The following DAGLB variants were observed in gnomAD, a reference collection of about 807,000 sequenced individuals.
The protein encoded by DAGLB is diacylglycerol lipase beta, also known as diacylglycerol lipase-beta.
A neutral mutation model predicts 72.1 loss-of-function variants in DAGLB; 66 were observed. The observed-to-expected ratio is 0.92, with a 90% CI of 0.75 to 1.12. DAGLB has a LOEUF of 1.12. DAGLB is among the 50% of genes most tolerant of loss of function. The pLI is 0.00. For synonymous variants in DAGLB, 414 were observed against 359.5 expected, an observed-to-expected ratio of 1.15 and a Z score of -1.71; for missense variants, 1,065 against 884.9, an observed-to-expected ratio of 1.20 and a Z score of -2.58.
chr7:6,415,164 T>TA (rs375211033), intron 11 of DAGLB, among the ~76,000 whole-genome samples: 5,699 of 139,790 alleles, frequency 0.041, 135 homozygotes, highest in Middle Eastern at 0.065. Flanking sequence ...CTGTGTCAAT[T>TA]AAAAAAAAAA....
intron 6 of DAGLB, among the ~76,000 whole-genome samples, chr7:6,427,417 G>A (rs1228946322): frequency 6.6e-6 from 1 of 152,034 alleles, no homozygotes; most frequent in Non-Finnish European, 1.5e-5. Flanking sequence ...AGGCTGAGGC[G>A]GGAGGATCGC....
rs764561057 is a variant in DAGLB, at chr7:6,421,969, G to C, written c.1141-165C>G. On this transcript the variant is annotated intron_variant, in intron 8 of 14. Transcript: ENST00000297056. ...CCTAAACTAAAGAGGGAAACCCAGC[G>C]GTGGCTCCTGAGGGCCCTGATGGCA... The C allele has an allele frequency of 3.3e-5, 26 of 790,336 alleles. 1 individual carries two copies. The South Asian group carries it at 3.8e-4, about 11-fold the overall frequency. 49.0% of individuals were successfully genotyped at this position (790,336 alleles called of 1,614,324 possible).
At position 6,418,944 on chromosome 7, in the gene DAGLB, G is replaced by A. The variant is rs184546896; in HGVS notation, c.1219-2023C>T. Reference sequence around the variant, plus strand: ...CTCCCAAAGTGCTGGGATTACAGGCGTGAGCCACCGCACCTGGCTGCAACT... The same window carrying A: ...CTCCCAAAGTGCTGGGATTACAGGCATGAGCCACCGCACCTGGCTGCAACT... On this transcript the variant is annotated intron_variant, in intron 9 of 14. Coordinates refer to ENST00000297056, the MANE Select transcript of DAGLB (RefSeq NM_139179.4). Among the ~76,000 whole-genome samples, 306 of 152,180 alleles carry A rather than the reference G, an allele frequency of 2.0e-3. 2 individuals are homozygous for A. Among genetic ancestry groups the A allele is most frequent in the African/African-American group, 7.1e-3 (293 of 41,522 alleles).
rs1176398313 is a variant in DAGLB, at chr7:6,430,487, C to T, written c.922G>A (p.Gly308Ser). 1.3e-6 allele frequency: 2 copies of T among 1,560,798 alleles called. No homozygotes were observed. The highest frequency in any genetic ancestry group is 2.7e-5 in the African/African-American group (2 of 73,678). Residue 308 changes from glycine to serine, a missense_variant, in exon 6 of 15, where the codon GGT becomes AGT. Transcript: ENST00000297056. ...NPLTGLCRIG[G>S]DCCRSRTTDY... Reference sequence around the variant, plus strand: ...CAGACTGTGCCAACCCACCAGTCACCACCAATCCTGCACAGCCCCGTGAGG... The same window carrying T: ...CAGACTGTGCCAACCCACCAGTCACTACCAATCCTGCACAGCCCCGTGAGG...
chr7:6,440,185 G>T (rs1169045964), intron 2 of DAGLB, among the ~76,000 whole-genome samples: 1 of 151,420 alleles, frequency 6.6e-6, no homozygotes, highest in Non-Finnish European at 1.5e-5. Flanking sequence ...TGGAGTTCAA[G>T]ACCAGCCTGA....
intron 2 of DAGLB, among the ~76,000 whole-genome samples, chr7:6,442,034 CG>C (rs1446544866): frequency 1.3e-4 from 20 of 152,026 alleles, no homozygotes; most frequent in Non-Finnish European, 2.6e-4. Context: ...GCCAGGAGAG[CG>C]ACGATAAATG....
chr7:6,417,965 G>T (rs371998111), intron 9 of DAGLB, among the ~76,000 whole-genome samples: 15 of 152,174 alleles, frequency 9.9e-5, no homozygotes, highest in African/African-American at 3.6e-4. Context: ...CTGCCTCCTG[G>T]GTTCAAGCAA....
intron 2 of DAGLB, among the ~76,000 whole-genome samples, chr7:6,437,636 G>A (rs1028327997): frequency 2.6e-5 from 4 of 151,584 alleles, no homozygotes; most frequent in African/African-American, 7.3e-5. Context: ...TTTTGTGGGC[G>A]TTTTTTGGTT....
intron 3 of DAGLB, chr7:6,435,618 T>C: frequency 6.4e-6 from 1 of 155,456 alleles, no homozygotes; most frequent in Non-Finnish European, 1.4e-5. Flanking sequence ...CAGCGGGCAC[T>C]TCTTCTCCAT....
chr7:6,425,459 A>T (rs1784277394), intron 7 of DAGLB, among the ~76,000 whole-genome samples: 1 of 152,100 alleles, frequency 6.6e-6, no homozygotes, highest in Non-Finnish European at 1.5e-5. Context: ...TTTAGTAGAG[A>T]TGGGGTTTCA....
intron 3 of DAGLB, among the ~76,000 whole-genome samples, chr7:6,435,696 A>G (rs1320229651): frequency 6.6e-6 from 1 of 152,022 alleles, no homozygotes; most frequent in African/African-American, 2.4e-5. Flanking sequence ...TGAAGGTATC[A>G]CAGAGTACTC....
intron 2 of DAGLB, among the ~76,000 whole-genome samples, chr7:6,443,704 C>G (rs992283610): frequency 2.6e-5 from 4 of 152,110 alleles, no homozygotes; most frequent in African/African-American, 9.7e-5. Context: ...CCCAGTGCAC[C>G]TCACCACCAG....
At chr7:6,433,302 A>G (rs1460254659) in intron 4 of DAGLB, among the ~76,000 whole-genome samples, 1 of 152,190 alleles carries the variant, frequency 6.6e-6, no homozygotes, top group Non-Finnish European at 1.5e-5. Flanking sequence ...GCAATGCACC[A>G]TTTTAGCCCA....
Position 6,416,378 on chromosome 7 carries a change from T to A in DAGLB, c.1427+249A>T. 4 of 367,784 alleles carry A rather than the reference T, an allele frequency of 1.1e-5. No individual in the cohort carries two copies. In the South Asian group the frequency reaches 2.0e-4, roughly 19 times the overall value. The allele number at this position is 367,784 out of a possible 1,614,324, so 22.8% of individuals were successfully genotyped here. A position where few individuals can be genotyped will look rare whatever the true frequency, so the allele number is the denominator to read the frequency against. ...GGCCAACATGGTGAAACCCCACCAC[T>A]ACTAAAAATACAAAAATTAGCCGGC... is the stretch of plus-strand genomic sequence containing the variant. On this transcript the variant is annotated intron_variant, in intron 11 of 14. Coordinates refer to ENST00000297056, the MANE Select transcript of DAGLB (RefSeq NM_139179.4).
chr7:6,442,490 T>TA (rs1183614978), intron 2 of DAGLB, among the ~76,000 whole-genome samples: 1 of 152,160 alleles, frequency 6.6e-6, no homozygotes, highest in East Asian at 1.9e-4. Flanking sequence ...ACCCTGCTAT[T>TA]ACAGCCACAA....
intron 2 of DAGLB, among the ~76,000 whole-genome samples, chr7:6,440,366 C>G (rs575162476): frequency 2.0e-5 from 3 of 146,702 alleles, no homozygotes; most frequent in Non-Finnish European, 4.5e-5. Context: ...CCTGGGGACT[C>G]AAAAGCGAAA....
chr7:6,416,684 C>G lies in DAGLB; in HGVS notation c.1370G>C (p.Arg457Thr), dbSNP rs558379763. The G allele has an allele frequency of 1.9e-6, 3 of 1,613,788 alleles. No homozygotes were observed. The highest frequency in any genetic ancestry group is 2.5e-6 in the Non-Finnish European group (3 of 1,179,886). The change falls in exon 11 of 15, where the codon AGA becomes ACA. Residue 457 changes from arginine (R) to threonine (T), a missense_variant. Transcript: ENST00000297056. ...GAAALLATML[R>T]AAYPQVRCYA... ...GCACCTGACCTGCGGGTAGGCGGCTCTGAGCATGGTGGCCAGCAGGGCGGC... is the reference window on the plus strand; with the variant it reads ...GCACCTGACCTGCGGGTAGGCGGCTGTGAGCATGGTGGCCAGCAGGGCGGC...
Position 6,409,928 on chromosome 7 carries a change from A to ATGTC in DAGLB, c.1924_1927dup (p.Ile643ArgfsTer52), listed in dbSNP as rs1783661688. On this transcript the variant is annotated frameshift_variant, in exon 15 of 15. Transcript: ENST00000297056. LOFTEE classifies it low-confidence loss of function (END_TRUNC). ...CACGCTGTCCAAGGCCCGCATCAGG[A>ATGTC]TGTCTGGCATGTGGTCGGTGAGCAT... is the stretch of plus-strand genomic sequence containing the variant. 6.2e-7 allele frequency: 1 copy of ATGTC among 1,613,964 alleles called. No individual in the cohort carries two copies. Among genetic ancestry groups the ATGTC allele is most frequent in the African/African-American group, 1.3e-5 (1 of 74,908 alleles).
intron 4 of DAGLB, among the ~76,000 whole-genome samples, chr7:6,433,446 CAG>C (rs1182495776): frequency 6.6e-6 from 1 of 152,118 alleles, no homozygotes; most frequent in Non-Finnish European, 1.5e-5. Context: ...GGGAAAGCAA[CAG>C]AGAGTGAGTC....
Sources: gnomAD v4.1 joint callset for allele counts (sites outside exome capture counted in the v4.1 genomes callset) on GRCh38, gnomAD v4.1.1 for gene constraint, MANE v1.5 for transcripts, NCBI Gene and HGNC (gene_info 2026-07-23, HGNC 2026-07-21) for gene names.